The following RRM2 variants were observed in gnomAD, a reference collection of about 807,000 sequenced individuals.
RRM2 encodes the protein ribonucleotide reductase regulatory subunit M2, also known as ribonucleoside-diphosphate reductase subunit M2.
RRM2 carries 6 observed loss-of-function variants against 45.9 expected under a neutral mutation model. That is an observed-to-expected ratio of 0.13 (90% confidence interval 0.07 to 0.26). RRM2 has a LOEUF of 0.26. RRM2 is among the 10% of genes least tolerant of loss of function. RRM2 has a pLI of 1.00. For synonymous variants in RRM2, 177 were observed against 173.0 expected, an observed-to-expected ratio of 1.02 and a Z score of -0.18; for missense variants, 343 against 489.5, an observed-to-expected ratio of 0.70 and a Z score of 2.82.
downstream of RRM2, among the ~76,000 whole-genome samples, chr2:10,135,476 G>A (rs946946071): frequency 1.3e-5 from 2 of 152,132 alleles, no homozygotes; most frequent in Non-Finnish European, 2.9e-5. Flanking sequence ...CAAAGTAGGG[G>A]CCCTGGTGGG....
intron 3 of RRM2, among the ~76,000 whole-genome samples, chr2:10,162,096 C>T (rs554520093): frequency 6.6e-6 from 1 of 152,336 alleles, no homozygotes; most frequent in East Asian, 1.9e-4. Flanking sequence ...TCCCATCCGC[C>T]GCTGCCTGGG....
chr2:10,131,866 A>G (rs1357515850), downstream of RRM2, among the ~76,000 whole-genome samples: 1 of 152,242 alleles, frequency 6.6e-6, no homozygotes, highest in African/African-American at 2.4e-5. Context: ...GGTGGTGCCC[A>G]AAAATACTAA....
intron 3 of RRM2, among the ~76,000 whole-genome samples, chr2:10,174,957 GGGAAAA>G (rs1161940945): frequency 5.9e-5 from 9 of 152,234 alleles, no homozygotes; most frequent in African/African-American, 2.2e-4. Context: ...TTTGGAGATA[GGGAAAA>G]TAGAAAGAAG....
chr2:10,138,525 A>G (rs1663029042), upstream of RRM2, among the ~76,000 whole-genome samples: 1 of 151,380 alleles, frequency 6.6e-6, no homozygotes, highest in Non-Finnish European at 1.5e-5. Context: ...CTGGTCTCGA[A>G]CTCCTGACCT....
chr2:10,140,071 A>C (rs1011421432), upstream of RRM2, among the ~76,000 whole-genome samples: 3 of 152,056 alleles, frequency 2.0e-5, no homozygotes, highest in African/African-American at 7.2e-5. Context: ...ACACAGAGAA[A>C]GCCCCTCTCT....
chr2:10,210,946 C>T (rs1664751380), exon 4 of RRM2: 2 of 205,258 alleles, frequency 9.7e-6, no homozygotes, highest in South Asian at 1.7e-4. Context: ...CTGCCGGCAC[C>T]TTGCTGTGAG....
chr2:10,183,520 C>G (rs1034935998), intron 3 of RRM2, among the ~76,000 whole-genome samples: 2 of 152,264 alleles, frequency 1.3e-5, no homozygotes, highest in African/African-American at 4.8e-5. Context: ...CCGATCACAG[C>G]AGACCTCTGT....
downstream of RRM2, among the ~76,000 whole-genome samples, chr2:10,131,933 G>T (rs556706912): frequency 3.3e-5 from 5 of 152,232 alleles, no homozygotes; most frequent in South Asian, 2.1e-4. Context: ...TCTCAACCGT[G>T]GGGGAGCCAC....
intron 3 of RRM2, 89 bp downstream of exon 3, chr2:10,123,619 G>T: frequency 6.6e-7 from 1 of 1,519,122 alleles, no homozygotes; most frequent in Non-Finnish European, 9.0e-7. Context: ...GGCAAGGGGG[G>T]CTAACTGTGG....
At chr2:10,126,787 C>G in intron 5 of RRM2, 88 bp from the exon 6 acceptor site, 1 of 950,330 alleles carries the variant, frequency 1.1e-6, no homozygotes, top group Non-Finnish European at 1.6e-6. Flanking sequence ...TGAATTTGGC[C>G]TTTGTCCCAG....
At chr2:10,203,775 A>G (rs983235990) in intron 3 of RRM2, among the ~76,000 whole-genome samples, 3 of 151,620 alleles carry the variant, frequency 2.0e-5, no homozygotes, top group Non-Finnish European at 4.4e-5. Context: ...ATACATACAT[A>G]CATACATACA....
intron 3 of RRM2, chr2:10,155,587 G>GCT (rs1663406778): frequency 6.6e-6 from 1 of 152,374 alleles, no homozygotes; most frequent in African/African-American, 2.4e-5. Flanking sequence ...GGGTTCCCGG[G>GCT]CTCTCCTCCA....
intron 3 of RRM2, among the ~76,000 whole-genome samples, chr2:10,151,557 G>A (rs1572503892): frequency 1.3e-5 from 2 of 151,690 alleles, no homozygotes; most frequent in Admixed American, 6.6e-5. Context: ...CTTGGCCTCC[G>A]AAAGTGCTGG....
chr2:10,123,903 G>A, intron 4 of RRM2, 51 bp downstream of exon 4: 1 of 1,021,270 alleles, frequency 9.8e-7, no homozygotes, highest in Non-Finnish European at 1.6e-6. Flanking sequence ...ATCTGAGGTC[G>A]AACTAGTTCG....
Position 10,205,169 on chromosome 2 carries a change from A to G in RRM2, n.483-5142A>G, listed in dbSNP as rs903752746. 5.3e-5 allele frequency among the ~76,000 whole-genome samples: 8 copies of G among 152,340 alleles called. No individual in the cohort carries two copies. Among genetic ancestry groups the G allele is most frequent in the Non-Finnish European group, 2.9e-5 (2 of 68,030 alleles). On this transcript the variant is annotated intron_variant and non_coding_transcript_variant, in intron 3 of 3. Transcript: ENST00000381786. The surrounding 1 kb of genome is among the most constrained non-coding windows in gnomAD (Gnocchi z 4.8). ...GTCCTGGCTAGTTCAGCTGGAGGCC[A>G]GGGGTCGGAGACTTAGAGAAATGAG...
intron 3 of RRM2, among the ~76,000 whole-genome samples, chr2:10,176,760 T>C (rs996026899): frequency 5.9e-5 from 9 of 152,240 alleles, no homozygotes; most frequent in African/African-American, 2.2e-4. Context: ...CCCCTATTGA[T>C]GGACATTTGG....
intron 4 of RRM2, chr2:10,124,107 TC>T (rs1662731067): frequency 3.8e-5 from 13 of 344,162 alleles, no homozygotes; most frequent in South Asian, 8.8e-5. Flanking sequence ...ATCTGCCCCC[TC>T]TTTTTTTTTT....
chr2:10,137,461 G>T (rs144974882), upstream of RRM2, among the ~76,000 whole-genome samples: 8 of 152,354 alleles, frequency 5.3e-5, no homozygotes, highest in East Asian at 1.4e-3. Context: ...GGTGACCTCT[G>T]CTTTGCCCCT....
intron 3 of RRM2, among the ~76,000 whole-genome samples, chr2:10,159,288 G>A (rs1318657901): frequency 6.6e-6 from 1 of 152,216 alleles, no homozygotes; most frequent in East Asian, 1.9e-4. Flanking sequence ...CAAAGCCCCA[G>A]AGGGATCCGA....
Sources: allele counts gnomAD v4.1 joint callset (sites outside exome capture counted in the v4.1 genomes callset), GRCh38; gene constraint gnomAD v4.1.1; non-coding constraint Gnocchi (gnomAD v3.1); transcripts MANE v1.5; gene names NCBI Gene and HGNC (gene_info 2026-07-23, HGNC 2026-07-21).